The following PKP2 variants were observed in gnomAD, a reference collection of about 807,000 sequenced individuals.
PKP2 encodes the protein plakophilin 2.
In PKP2, 73 loss-of-function variants were observed where a neutral mutation model predicts 83.4. The ratio of observed to expected loss-of-function variants is 0.88; its 90% CI spans 0.72 to 1.06. PKP2 has a LOEUF of 1.06. Ranked by LOEUF, PKP2 falls within the 50% of genes least tolerant of loss-of-function variation. PKP2 has a pLI of 0.00. For missense variants in PKP2, 966 were observed against 1,065.4 expected (o/e 0.91, Z 1.30); for synonymous variants, 409 against 430.4 (o/e 0.95, Z 0.62).
intron 4 of PKP2, among the ~76,000 whole-genome samples, chr12:32,859,452 C>CTT (rs542294237): frequency 0.024 from 3,603 of 149,760 alleles, 50 homozygotes; most frequent in Non-Finnish European, 0.027. Flanking sequence ...TTCTCAGTAA[C>CTT]TTTTTTTTTT....
chr12:32,829,997 A>G (rs1428429040), intron 6 of PKP2, among the ~76,000 whole-genome samples: 3 of 152,174 alleles, frequency 2.0e-5, no homozygotes, highest in Non-Finnish European at 4.4e-5. Context: ...GCACTCTGAG[A>G]TAGTGATCAC....
intron 9 of PKP2, chr12:32,821,087 A>T (rs967033453): frequency 2.3e-5 from 10 of 431,666 alleles, no homozygotes; most frequent in Non-Finnish European, 4.3e-6. Context: ...CAGTGCCATA[A>T]GCCAAAAATT....
At chr12:32,880,540 T>C (rs1476825021) in intron 1 of PKP2, among the ~76,000 whole-genome samples, 1 of 152,212 alleles carries the variant, frequency 6.6e-6, no homozygotes, top group Non-Finnish European at 1.5e-5. Flanking sequence ...TCAACCTCTA[T>C]GCTCCATCCA....
At chr12:32,826,280 C>T (rs553913946) in intron 6 of PKP2, among the ~76,000 whole-genome samples, 10 of 140,146 alleles carry the variant, frequency 7.1e-5, no homozygotes, top group Non-Finnish European at 1.4e-4. Flanking sequence ...CACTCCAGCC[C>T]GGGTGACAAA....
At chr12:32,847,091 T>C (rs1454383729) in intron 5 of PKP2, among the ~76,000 whole-genome samples, 4 of 151,594 alleles carry the variant, frequency 2.6e-5, no homozygotes, top group African/African-American at 4.9e-5. Context: ...CAACACATAA[T>C]AGGGGTTCAG....
chr12:32,826,279 C>T (rs980701370), intron 6 of PKP2, among the ~76,000 whole-genome samples: 30 of 148,200 alleles, frequency 2.0e-4, no homozygotes, highest in Non-Finnish European at 3.4e-4. Context: ...GCACTCCAGC[C>T]CGGGTGACAA....
chr12:32,809,468 G>A lies in PKP2; in HGVS notation c.2014-6912C>T, dbSNP rs187902153. Among the ~76,000 whole-genome samples the A allele has an allele frequency of 6.3e-3, 959 of 152,316 alleles. 13 individuals are homozygous for A. Among genetic ancestry groups the A allele is most frequent in the African/African-American group, 0.022 (935 of 41,562 alleles). Reference sequence around the variant, plus strand: ...CTGTTTCAGGCAGACTCACTGTGTTGCCATTGGCTGGCTGGAATTCCAAGA... The same window carrying A: ...CTGTTTCAGGCAGACTCACTGTGTTACCATTGGCTGGCTGGAATTCCAAGA... On this transcript the variant is annotated intron_variant, in intron 9 of 12. Coordinates refer to ENST00000340811, the MANE Select transcript of PKP2 (RefSeq NM_001005242.3).
At chr12:32,796,626 C>T (rs904734800) in intron 10 of PKP2, among the ~76,000 whole-genome samples, 2 of 152,036 alleles carry the variant, frequency 1.3e-5, no homozygotes, top group African/African-American at 2.4e-5. Context: ...GTCTCGATCT[C>T]CTGACCTCGT....
At chr12:32,797,156 T>C (rs964825371) in intron 10 of PKP2, among the ~76,000 whole-genome samples, 1 of 152,074 alleles carries the variant, frequency 6.6e-6, no homozygotes, top group Non-Finnish European at 1.5e-5. Flanking sequence ...CATAATATTA[T>C]TGGCCAGGTT....
chr12:32,857,150 G>A (rs556638196), intron 4 of PKP2, among the ~76,000 whole-genome samples: 2 of 152,298 alleles, frequency 1.3e-5, no homozygotes, highest in Admixed American at 6.5e-5. Flanking sequence ...CAGGCCAGGC[G>A]CAACAGCTCA....
At chr12:32,797,500 C>T (rs1956137845) in intron 10 of PKP2, among the ~76,000 whole-genome samples, 1 of 148,202 alleles carries the variant, frequency 6.7e-6, no homozygotes, top group Admixed American at 6.7e-5. Flanking sequence ...CGTAAGAAAC[C>T]TGAGGAAAAA....
chr12:32,800,432 T>C (rs1956168912), intron 10 of PKP2, among the ~76,000 whole-genome samples: 1 of 152,234 alleles, frequency 6.6e-6, no homozygotes, highest in Admixed American at 6.5e-5. Flanking sequence ...ACATACCTTT[T>C]GCTCACAGGC....
intron 6 of PKP2, 55 bp downstream of exon 6, chr12:32,840,973 G>A (rs762933877): frequency 7.5e-7 from 1 of 1,339,534 alleles, no homozygotes; most frequent in African/African-American, 1.4e-5. Context: ...ACTTCCTTGG[G>A]GCTACCTAAT....
Position 32,878,323 on chromosome 12 carries a change from G to A in PKP2, c.557C>T (p.Ala186Val). 2 of 1,612,022 alleles carry A rather than the reference G, an allele frequency of 1.2e-6. No homozygotes were observed. Among genetic ancestry groups the A allele is most frequent in the Non-Finnish European group, 8.5e-7 (1 of 1,179,746 alleles). Residue 186 changes from alanine (A) to valine (V), a missense_variant, in exon 3 of 13, where the codon GCC becomes GTC. Transcript: ENST00000340811. Reference sequence around the variant, plus strand: ...ATATCTCGGTGGCACTAGGAGGGCGGCCCGCCTGCTTTCTTGGTGGTGCAG... The same window carrying A: ...ATATCTCGGTGGCACTAGGAGGGCGACCCGCCTGCTTTCTTGGTGGTGCAG... ...HTLHHQESRR[A>V]ALLVPPRYAR...
intron 5 of PKP2, among the ~76,000 whole-genome samples, chr12:32,844,873 T>C (rs979137515): frequency 1.3e-5 from 2 of 152,192 alleles, no homozygotes; most frequent in Admixed American, 1.3e-4. Flanking sequence ...AGATTCCAGT[T>C]TGGGCATGAG....
chr12:32,877,943 T>C lies in PKP2; in HGVS notation c.937A>G (p.Ser313Gly). ...ACAGTCAAGTGCGCTCTCCTCCCGC[T>C]GGAATCCACGGCGACACTGGGCCCA... ...EAGPSVAVDS[S>G]GRRAHLTVGQ... The change falls in exon 3 of 13, where the codon AGC (serine) becomes GGC (glycine). Residue 313 changes from serine (S) to glycine (G), a missense_variant. Physicochemically the swap from Ser to Gly is moderately conservative, Grantham distance 56 (BLOSUM62 0). Coordinates refer to ENST00000340811, the MANE Select transcript of PKP2 (RefSeq NM_001005242.3). 1 of 1,614,184 alleles carries C rather than the reference T, an allele frequency of 6.2e-7. No homozygotes were observed. Among genetic ancestry groups the C allele is most frequent in the Non-Finnish European group, 8.5e-7 (1 of 1,180,044 alleles).
In PKP2 at chr12:32,792,110, T is replaced by C. The variant is rs1178582399; in HGVS notation, c.*314A>G. 2.5e-6 allele frequency: 1 copy of C among 403,596 alleles called. No homozygotes were observed. The highest frequency in any genetic ancestry group is 4.6e-6 in the Non-Finnish European group (1 of 217,194). 25.0% of individuals were successfully genotyped at this position (403,596 alleles called of 1,614,324 possible). On this transcript the variant is annotated 3_prime_UTR_variant, in exon 13 of 13. Transcript: ENST00000340811. Reference sequence around the variant, plus strand: ...AAATCCCAGTAATGCAACAGCTTCTTTCCTTATTTATTGGATTAATGTCCC... The same window carrying C: ...AAATCCCAGTAATGCAACAGCTTCTCTCCTTATTTATTGGATTAATGTCCC...
At position 32,878,016 on chromosome 12, in the gene PKP2, G is replaced by A. The variant is rs1956949307; in HGVS notation, c.864C>T (p.Ser288=). The change falls in exon 3 of 13, where the codon TCC becomes TCT. Residue 288 remains serine (S), a synonymous_variant. Transcript: ENST00000340811. ...TGTGGAAGGAGCTCTGATGCCAGGA[G>A]GACCTGGAAGCCCTGTTCTGAGTGA... ...QPVTQNRASR[S]SWHQSSFHST... is the part of the protein sequence containing the mutation. The A allele has an allele frequency of 6.2e-7, 1 of 1,613,980 alleles. No individual in the cohort carries two copies. Among genetic ancestry groups the A allele is most frequent in the Non-Finnish European group, 8.5e-7 (1 of 1,180,032 alleles).
At chr12:32,867,421 G>T (rs563786527) in intron 4 of PKP2, among the ~76,000 whole-genome samples, 24 of 152,206 alleles carry the variant, frequency 1.6e-4, no homozygotes, top group African/African-American at 5.3e-4. Context: ...AGGGGCACAA[G>T]AAAACGCTGG....
Sources: gnomAD v4.1 joint callset for allele counts (sites outside exome capture counted in the v4.1 genomes callset) on GRCh38, gnomAD v4.1.1 for gene constraint, MANE v1.5 for transcripts, NCBI Gene and HGNC (gene_info 2026-07-23, HGNC 2026-07-21) for gene names.